Variants in CEP41 observed in about 807,000 individuals in gnomAD.
CEP41 encodes centrosomal protein of 41 kDa.
A neutral mutation model predicts 44.3 loss-of-function variants in CEP41; 32 were observed. The ratio of observed to expected loss-of-function variants is 0.72; its 90% CI spans 0.54 to 0.97. The LOEUF (loss-of-function observed/expected upper bound fraction) is 0.97. CEP41 is among the 50% of genes least tolerant of loss of function. The pLI is 0.00. For synonymous variants in CEP41, 151 were observed against 168.5 expected (o/e 0.90, Z 0.80); for missense variants, 432 against 455.2 (o/e 0.95, Z 0.46).
chr7:130,419,996 C>T (rs1797454316), intron 2 of CEP41: 1 of 985,314 alleles, frequency 1.0e-6, no homozygotes, highest in Non-Finnish European at 1.2e-6. Context: ...TTATCCCTTC[C>T]ATTGTCTAGC....
At chr7:130,432,878 G>C (rs1190215021) in intron 1 of CEP41, among the ~76,000 whole-genome samples, 1 of 152,186 alleles carries the variant, frequency 6.6e-6, no homozygotes, top group African/African-American at 2.4e-5. Context: ...ACAGGCAGCA[G>C]AGGAAGCCAT....
intron 1 of CEP41, among the ~76,000 whole-genome samples, chr7:130,433,329 GA>G (rs35353510): frequency 0.019 from 2,601 of 133,592 alleles, 30 homozygotes; most frequent in Non-Finnish European, 0.024. Flanking sequence ...ATTTTGTTTT[GA>G]AAAAAAAAAA....
In CEP41 at chr7:130,394,747, GTTCAA is replaced by G. The variant is rs1480201513; in HGVS notation, c.*4139_*4143del. 3 of 453,956 alleles carry G rather than the reference GTTCAA, an allele frequency of 6.6e-6. No homozygotes were observed. The highest frequency in any genetic ancestry group is 6.9e-5 in the East Asian group (1 of 14,406). 28.1% of individuals were successfully genotyped at this position (453,956 alleles called of 1,614,324 possible). ...CACATCCAAACTTCAATCTTGACAG[GTTCAA>G]TTCATTTATTCATGAACACTTATTA... On this transcript the variant is annotated 3_prime_UTR_variant, in exon 11 of 11. Coordinates refer to ENST00000223208, the MANE Select transcript of CEP41 (RefSeq NM_018718.3).
At chr7:130,400,361 C>T (rs1584867832) in intron 9 of CEP41, 107 bp from the exon 10 acceptor site, 1 of 797,126 alleles carries the variant, frequency 1.3e-6, no homozygotes, top group East Asian at 2.5e-5. Context: ...CAAGTTGAGG[C>T]CAACACAAGG....
intron 1 of CEP41, chr7:130,440,647 G>C (rs1798121037): frequency 1.7e-6 from 1 of 586,096 alleles, no homozygotes; most frequent in South Asian, 2.0e-5. Flanking sequence ...CTCCGAGACT[G>C]TAAGCCATTT....
Position 130,398,065 on chromosome 7 carries a change from G to A in CEP41, c.*826C>T, listed in dbSNP as rs533523219. The A allele has an allele frequency of 2.2e-6, 1 of 454,160 alleles. No homozygotes were observed. The highest frequency in any genetic ancestry group is 2.0e-5 in the African/African-American group (1 of 50,146). 28.1% of individuals were successfully genotyped at this position (454,160 alleles called of 1,614,324 possible). A position where few individuals can be genotyped will look rare whatever the true frequency, so the allele number is the denominator to read the frequency against. On this transcript the variant is annotated 3_prime_UTR_variant, in exon 11 of 11. Coordinates refer to ENST00000223208, the MANE Select transcript of CEP41 (RefSeq NM_018718.3). Reference sequence around the variant, plus strand: ...TCTGTCCATCTAACATGGATGGACTGAAGCTGGGCAATGGGCGTCATAACT... The same window carrying A: ...TCTGTCCATCTAACATGGATGGACTAAAGCTGGGCAATGGGCGTCATAACT...
intron 2 of CEP41, among the ~76,000 whole-genome samples, chr7:130,417,782 T>C (rs572149683): frequency 6.6e-6 from 1 of 152,352 alleles, no homozygotes; most frequent in East Asian, 1.9e-4. Context: ...CTAAAAGGTA[T>C]GGCAAAAGGA....
At position 130,402,685 on chromosome 7, in the gene CEP41, A is replaced by G. The variant is rs1796888295; in HGVS notation, c.537T>C (p.Arg179=). Residue 179 remains arginine (R), a synonymous_variant, in exon 7 of 11, where the codon CGT becomes CGC. Coordinates refer to ENST00000223208, the MANE Select transcript of CEP41 (RefSeq NM_018718.3). ...GGCACTGCTGGTAAGAATCTCTATC[A>G]CGCACATCTAGCAGCAGGAAGGGGC... The part of the protein sequence containing the change: ...PDCPFLLLDV[R]DRDSYQQCHI... 1.2e-6 allele frequency: 2 copies of G among 1,614,048 alleles called. No homozygotes were observed. Among genetic ancestry groups the G allele is most frequent in the East Asian group, 4.5e-5 (2 of 44,858 alleles).
intron 1 of CEP41, among the ~76,000 whole-genome samples, chr7:130,438,549 A>G (rs1233071497): frequency 1.3e-5 from 2 of 152,026 alleles, no homozygotes; most frequent in African/African-American, 4.8e-5. Flanking sequence ...ACAGAGTGAG[A>G]CTCTGTCTCA....
intron 3 of CEP41, among the ~76,000 whole-genome samples, chr7:130,416,565 G>C (rs1554420943): frequency 1.3e-5 from 2 of 152,168 alleles, no homozygotes; most frequent in African/African-American, 4.8e-5. Flanking sequence ...CTCAAATAGA[G>C]ACAAAATAAG....
At chr7:130,440,092 T>C (rs1798099544) in intron 1 of CEP41, among the ~76,000 whole-genome samples, 1 of 152,166 alleles carries the variant, frequency 6.6e-6, no homozygotes, top group Admixed American at 6.5e-5. Flanking sequence ...CGATCTCGGC[T>C]CACTGGAACC....
chr7:130,429,517 C>T (rs1399331480), intron 1 of CEP41, among the ~76,000 whole-genome samples: 1 of 152,206 alleles, frequency 6.6e-6, no homozygotes, highest in Non-Finnish European at 1.5e-5. Context: ...GTATGAAAGT[C>T]CTTTCTTCAA....
In CEP41 at chr7:130,397,009, A is replaced by T. The variant is rs1310144545; in HGVS notation, c.*1882T>A. On this transcript the variant is annotated 3_prime_UTR_variant, in exon 11 of 11. Transcript: ENST00000223208. Reference sequence around the variant, plus strand: ...AAGTCACCTTTAAAACAGCATAACCAGAACTTTCTTACAGAGAAAAATCTT... The same window carrying T: ...AAGTCACCTTTAAAACAGCATAACCTGAACTTTCTTACAGAGAAAAATCTT... 3 of 454,512 alleles carry T rather than the reference A, an allele frequency of 6.6e-6. No homozygotes were observed. The highest frequency in any genetic ancestry group is 2.0e-5 in the African/African-American group (1 of 50,132). The allele number at this position is 454,512 out of a possible 1,614,324, so 28.2% of individuals were successfully genotyped here. A position where few individuals can be genotyped will look rare whatever the true frequency, so the allele number is the denominator to read the frequency against.
chr7:130,424,431 A>G (rs1364710215), intron 2 of CEP41, among the ~76,000 whole-genome samples: 1 of 151,970 alleles, frequency 6.6e-6, no homozygotes, highest in Non-Finnish European at 1.5e-5. Context: ...GAAAGTGGGC[A>G]TAGTCAGTTT....
At chr7:130,413,672 C>T (rs1797252246) in intron 3 of CEP41, among the ~76,000 whole-genome samples, 1 of 152,078 alleles carries the variant, frequency 6.6e-6, no homozygotes, top group South Asian at 2.1e-4. Context: ...GGTACTTCTG[C>T]ACTTGTGTTC....
intron 5 of CEP41, among the ~76,000 whole-genome samples, chr7:130,409,704 G>C (rs782616963): frequency 1.3e-5 from 2 of 152,060 alleles, no homozygotes; most frequent in Non-Finnish European, 2.9e-5. Context: ...GGTACTTCAG[G>C]ATAAAATAAA....
chr7:130,404,740 TG>T lies in CEP41; in HGVS notation c.278-33del, dbSNP rs781983950. The T allele has an allele frequency of 9.8e-6, 15 of 1,534,234 alleles. No individual in the cohort carries two copies. The African/African-American group carries it at 1.9e-4, about 20-fold the overall frequency. The stretch of plus-strand genomic sequence containing the variant: ...TTTACAAATGAAGAAATAATTAGAT[TG>T]AACCTCAGGATTTGTATTTACTTAT... On this transcript the variant is annotated intron_variant, in intron 5 of 10. Coordinates refer to ENST00000223208, the MANE Select transcript of CEP41 (RefSeq NM_018718.3).
intron 3 of CEP41, among the ~76,000 whole-genome samples, chr7:130,416,555 C>G (rs1052002800): frequency 2.0e-5 from 3 of 152,216 alleles, no homozygotes. Context: ...TACCCCCTAT[C>G]TCAAATAGAG....
chr7:130,413,587 A>G (rs1293675346), intron 3 of CEP41, among the ~76,000 whole-genome samples: 1 of 107,710 alleles, frequency 9.3e-6, no homozygotes, highest in Non-Finnish European at 2.0e-5. Flanking sequence ...ACAAAAAAAA[A>G]AACAAAAAAA....
Sources: gnomAD v4.1 joint callset for allele counts (sites outside exome capture counted in the v4.1 genomes callset) on GRCh38, gnomAD v4.1.1 for gene constraint, MANE v1.5 for transcripts, NCBI Gene and HGNC (gene_info 2026-07-23, HGNC 2026-07-21) for gene names.